Variants in IMMP2L observed in about 807,000 individuals in gnomAD.
IMMP2L encodes the protein inner mitochondrial membrane peptidase subunit 2.
IMMP2L carries 18 observed loss-of-function variants against 19.3 expected under a neutral mutation model. The ratio of observed to expected loss-of-function variants is 0.93; its 90% CI spans 0.64 to 1.38. The LOEUF is 1.38. IMMP2L is among the 40% of genes most tolerant of loss of function. The probability of loss-of-function intolerance (pLI) is 0.00; values close to 1 mark genes in which losing one functional copy is unlikely to be tolerated. For synonymous variants in IMMP2L, 76 were observed against 73.0 expected, an observed-to-expected ratio of 1.04 and a Z score of -0.21; for missense variants, 233 against 218.2, an observed-to-expected ratio of 1.07 and a Z score of -0.43.
chr7:110,846,865 A>C (rs1485144041), intron 5 of IMMP2L, among the ~76,000 whole-genome samples: 1 of 152,098 alleles, frequency 6.6e-6, no homozygotes, highest in Non-Finnish European at 1.5e-5. Flanking sequence ...TAAATAAACA[A>C]ATCTAATTAA....
intron 3 of IMMP2L, among the ~76,000 whole-genome samples, chr7:111,242,498 G>C (rs1815211124): frequency 6.6e-6 from 1 of 152,052 alleles, no homozygotes; most frequent in African/African-American, 2.4e-5. Context: ...CAGTGGGAAA[G>C]CAGTTTTTGG....
chr7:111,480,334 C>T (rs974689329), intron 3 of IMMP2L, among the ~76,000 whole-genome samples: 19 of 151,942 alleles, frequency 1.3e-4, no homozygotes, highest in South Asian at 4.1e-4. Context: ...CCTGCCTCAG[C>T]CTCCCAAAGT....
intron 1 of IMMP2L, among the ~76,000 whole-genome samples, chr7:111,536,478 T>G (rs1847896718): frequency 6.6e-6 from 1 of 152,062 alleles, no homozygotes; most frequent in Admixed American, 6.6e-5. Context: ...GCTAATTTTT[T>G]ATATTTTTTG....
chr7:111,086,866 A>G (rs550109860), intron 3 of IMMP2L, among the ~76,000 whole-genome samples: 68 of 152,384 alleles, frequency 4.5e-4, no homozygotes, highest in African/African-American at 1.6e-3. Context: ...CTACTGTATA[A>G]AAGCAACCAC....
intron 3 of IMMP2L, among the ~76,000 whole-genome samples, chr7:111,162,276 A>G (rs1318299145): frequency 6.6e-6 from 1 of 152,130 alleles, no homozygotes; most frequent in African/African-American, 2.4e-5. Context: ...ATGAAATTTA[A>G]AAGAATCTTG....
At chr7:111,118,811 TC>T (rs1171214409) in intron 3 of IMMP2L, among the ~76,000 whole-genome samples, 17 of 152,100 alleles carry the variant, frequency 1.1e-4, no homozygotes, top group Non-Finnish European at 2.2e-4. Flanking sequence ...CTATTGTGTT[TC>T]CCATACTATT....
intron 5 of IMMP2L, among the ~76,000 whole-genome samples, chr7:110,824,103 C>A (rs1474248098): frequency 1.3e-5 from 2 of 152,000 alleles, no homozygotes. Flanking sequence ...CTCTATAGGC[C>A]AGGAGATTTA....
At position 110,757,491 on chromosome 7, in the gene IMMP2L, G is replaced by A. The variant is rs12537269; in HGVS notation, c.409-93770C>T. On this transcript the variant is annotated intron_variant, in intron 5 of 5. Coordinates refer to ENST00000405709, the MANE Select transcript of IMMP2L (RefSeq NM_032549.4). This position sits in a 1 kb window ranked among gnomAD's most constrained non-coding sequence, Gnocchi z 4.2. ...ATTTCTCTTGAACTCTTTGTCCCAG[G>A]AGGTTATGTGGATTGTAGTAGTGGG... is the stretch of plus-strand genomic sequence containing the variant. 0.21 allele frequency among the ~76,000 whole-genome samples: 32,256 copies of A among 151,980 alleles called. 3,549 individuals are homozygous for A. The highest frequency in any genetic ancestry group is 0.32 in the South Asian group (1,562 of 4,808).
At chr7:110,816,690 T>C (rs1802551508) in intron 5 of IMMP2L, among the ~76,000 whole-genome samples, 2 of 150,706 alleles carry the variant, frequency 1.3e-5, no homozygotes, top group Non-Finnish European at 3.0e-5. Context: ...TTAGCTCTTC[T>C]TGTTGAATTG....
At position 111,434,801 on chromosome 7, in the gene IMMP2L, G is replaced by A. The variant is rs562554670; in HGVS notation, c.239+52437C>T. On this transcript the variant is annotated intron_variant, in intron 3 of 5. Transcript: ENST00000405709. ...ACTCTTGACCTCCGGTGATCCACCC[G>A]CCTCGGCCTCCCAAAGTGCTGGGAT... Among the ~76,000 whole-genome samples, 11 of 151,842 alleles carry A rather than the reference G, an allele frequency of 7.2e-5. No homozygotes were observed. The East Asian group carries it at 1.7e-3, about 24-fold the overall frequency.
rs1181213808 is a variant in IMMP2L at position 111,281,950 on chromosome 7, CTAAGT to C, written c.239+205283_239+205287del. Among the ~76,000 whole-genome samples the C allele has an allele frequency of 3.9e-5, 6 of 152,046 alleles. No homozygotes were observed. In the South Asian group the frequency reaches 8.3e-4, roughly 21 times the overall value. ...AGCAATAAATGTAGCATAATTGTTG[CTAAGT>C]TATTTAGTATTATTTTCTTTTTTTA... is the stretch of plus-strand genomic sequence containing the variant. On this transcript the variant is annotated intron_variant, in intron 3 of 5. Coordinates refer to ENST00000405709, the MANE Select transcript of IMMP2L (RefSeq NM_032549.4).
chr7:111,393,352 T>C (rs1832569986), intron 3 of IMMP2L, among the ~76,000 whole-genome samples: 1 of 152,188 alleles, frequency 6.6e-6, no homozygotes, highest in Non-Finnish European at 1.5e-5. Context: ...AGCCAGTTAC[T>C]TGTTCCCTGG....
At chr7:110,871,070 G>C (rs904771034) in intron 5 of IMMP2L, among the ~76,000 whole-genome samples, 2 of 151,322 alleles carry the variant, frequency 1.3e-5, no homozygotes, top group African/African-American at 4.9e-5. Context: ...GGCCTTACCA[G>C]GCAGTTGAGG....
intron 4 of IMMP2L, among the ~76,000 whole-genome samples, chr7:110,943,958 T>G (rs1816985090): frequency 6.6e-6 from 1 of 152,094 alleles, no homozygotes; most frequent in East Asian, 1.9e-4. Context: ...TTAGAGAGTT[T>G]ACATTTTTAA....
chr7:111,171,926 T>G (rs62466672), intron 3 of IMMP2L, among the ~76,000 whole-genome samples: 113,538 of 150,832 alleles, frequency 0.75, 45,388 homozygotes, highest in East Asian at 0.91. Context: ...TGGTTAGGGG[T>G]GAAGAAAGGA....
chr7:110,887,383 C>T (rs1810329411), intron 4 of IMMP2L, among the ~76,000 whole-genome samples: 1 of 151,044 alleles, frequency 6.6e-6, no homozygotes, highest in South Asian at 2.1e-4. Flanking sequence ...AAGGCTATCT[C>T]ACGCAGTTTT....
At chr7:111,260,390 T>C (rs188301456) in intron 3 of IMMP2L, among the ~76,000 whole-genome samples, 2 of 152,306 alleles carry the variant, frequency 1.3e-5, no homozygotes, top group Admixed American at 1.3e-4. Context: ...AACATCATTA[T>C]GTGGCTCATG....
chr7:110,950,336 C>T (rs1036260850), intron 4 of IMMP2L, among the ~76,000 whole-genome samples: 6 of 151,972 alleles, frequency 3.9e-5, no homozygotes, highest in Admixed American at 3.9e-4. Context: ...GTTTCTATGC[C>T]AGTACCATAT....
intron 3 of IMMP2L, among the ~76,000 whole-genome samples, chr7:110,989,007 C>T (rs1310720042): frequency 1.3e-5 from 2 of 151,942 alleles, no homozygotes; most frequent in Admixed American, 6.6e-5. Context: ...GGGACCGAGG[C>T]GGCAGATCAC....
Sources: allele counts gnomAD v4.1 joint callset (sites outside exome capture counted in the v4.1 genomes callset), GRCh38; gene constraint gnomAD v4.1.1; non-coding constraint Gnocchi (gnomAD v3.1); transcripts MANE v1.5; gene names NCBI Gene and HGNC (gene_info 2026-07-23, HGNC 2026-07-21).